The following TTC7A variants were observed in gnomAD, a reference collection of about 807,000 sequenced individuals.
TTC7A encodes tetratricopeptide repeat protein 7A.
Under a neutral mutation model 103.7 loss-of-function variants are expected in TTC7A, and 110 were observed. The ratio of observed to expected loss-of-function variants is 1.06; its 90% CI spans 0.91 to 1.24. The LOEUF (loss-of-function observed/expected upper bound fraction) is 1.24, where lower values mean the gene tolerates loss of function less well. TTC7A is among the 50% of genes most tolerant of loss of function. The probability of loss-of-function intolerance (pLI) is 0.00; values close to 1 mark genes in which losing one functional copy is unlikely to be tolerated. For missense variants in TTC7A, 1,340 were observed against 1,116.3 expected (o/e 1.20, Z -2.86); for synonymous variants, 521 against 467.9 (o/e 1.11, Z -1.47).
chr2:46,961,108 C>G (rs1672330607), intron 3 of TTC7A, among the ~76,000 whole-genome samples: 1 of 152,238 alleles, frequency 6.6e-6, no homozygotes, highest in Non-Finnish European at 1.5e-5. Context: ...CCCTTTGTAA[C>G]TTCCGCCAGC....
intron 2 of TTC7A, among the ~76,000 whole-genome samples, chr2:46,919,496 G>T (rs542389200): frequency 6.6e-6 from 1 of 152,374 alleles, no homozygotes; most frequent in South Asian, 2.1e-4. Flanking sequence ...TCGCACCATT[G>T]CTCTTCAGCC....
chr2:47,010,456 TTACTGTTA>T (rs1218352613), intron 10 of TTC7A, among the ~76,000 whole-genome samples: 1 of 152,224 alleles, frequency 6.6e-6, no homozygotes, highest in East Asian at 1.9e-4. Context: ...GTTCTTCTCA[TTACTGTTA>T]TTGGTAACAT....
chr2:46,955,340 C>G (rs1337617813), intron 2 of TTC7A, among the ~76,000 whole-genome samples: 3 of 152,158 alleles, frequency 2.0e-5, no homozygotes, highest in Non-Finnish European at 4.4e-5. Flanking sequence ...TGGCCCTGGC[C>G]CAGGGAGTGG....
chr2:46,983,589 T>C (rs75312903), intron 5 of TTC7A, among the ~76,000 whole-genome samples: 26,637 of 152,204 alleles, frequency 0.18, 2,491 homozygotes, highest in Admixed American at 0.2. Flanking sequence ...GGTCACCACT[T>C]TAACTCCTCA....
intron 11 of TTC7A, among the ~76,000 whole-genome samples, chr2:47,020,558 C>T (rs528214720): frequency 1.3e-5 from 2 of 152,336 alleles, no homozygotes; most frequent in South Asian, 2.1e-4. Flanking sequence ...ACTGCCCCGG[C>T]TGGCAGCTTG....
At chr2:46,929,294 G>C (rs573718249) in intron 2 of TTC7A, among the ~76,000 whole-genome samples, 6 of 152,252 alleles carry the variant, frequency 3.9e-5, no homozygotes, top group African/African-American at 1.4e-4. Flanking sequence ...AGACCAGCCT[G>C]GTCAACATAG....
intron 2 of TTC7A, among the ~76,000 whole-genome samples, chr2:46,930,433 A>AG (rs1267861893): frequency 6.8e-6 from 1 of 147,474 alleles, no homozygotes; most frequent in East Asian, 1.9e-4. Flanking sequence ...ACGTATTCCT[A>AG]GGAAAAAAAA....
At chr2:46,936,293 G>T (rs768647428), upstream of TTC7A, among the ~76,000 whole-genome samples, 1 of 152,126 alleles carries the variant, frequency 6.6e-6, no homozygotes, top group Non-Finnish European at 1.5e-5. Flanking sequence ...TTGTGCATCT[G>T]TAAGAGGAAA....
intron 19 of TTC7A, chr2:47,071,127 A>C (rs1684654519): frequency 6.6e-6 from 1 of 152,306 alleles, no homozygotes; most frequent in African/African-American, 2.4e-5. Flanking sequence ...CTCAGGGCAG[A>C]GTAGGTGAGA....
upstream of TTC7A, among the ~76,000 whole-genome samples, chr2:46,938,942 C>T (rs939266710): frequency 1.3e-5 from 2 of 149,260 alleles, no homozygotes; most frequent in Admixed American, 6.8e-5. Flanking sequence ...ACCTGGGAGG[C>T]GGAGGTTGTT....
intron 8 of TTC7A, among the ~76,000 whole-genome samples, chr2:47,004,459 C>G (rs1359235029): frequency 6.6e-6 from 1 of 152,180 alleles, no homozygotes; most frequent in Non-Finnish European, 1.5e-5. Flanking sequence ...GTGAGGCCCA[C>G]TTGCTGCATA....
At position 46,993,515 on chromosome 2, in the gene TTC7A, A is replaced by C; in HGVS notation, c.830A>C (p.Gln277Pro). The C allele has an allele frequency of 6.2e-7, 1 of 1,614,176 alleles. No homozygotes were observed. Among genetic ancestry groups the C allele is most frequent in the Non-Finnish European group, 8.5e-7 (1 of 1,180,020 alleles). The change falls in exon 6 of 20, where the codon CAG (glutamine) becomes CCG (proline). Residue 277 changes from glutamine (Q) to proline (P), a missense_variant. Coordinates refer to ENST00000319190, the MANE Select transcript of TTC7A (RefSeq NM_020458.4). Reference protein sequence around the residue: ...VLRTVETKATQNFKVMAAKHL... With the variant: ...VLRTVETKATPNFKVMAAKHL... ...CGGACTGTGGAGACCAAAGCAACTC[A>C]GAACTTCAAAGTGGTAATGTGGGGT...
intron 15 of TTC7A, among the ~76,000 whole-genome samples, chr2:47,039,287 G>A (rs115574260): frequency 1.3e-5 from 2 of 152,224 alleles, no homozygotes; most frequent in Non-Finnish European, 2.9e-5. Flanking sequence ...ACTACAGGGA[G>A]CTGCTTTCAG....
chr2:46,983,593 C>G (rs1210731414), intron 5 of TTC7A, among the ~76,000 whole-genome samples: 1 of 152,246 alleles, frequency 6.6e-6, no homozygotes, highest in Non-Finnish European at 1.5e-5. Flanking sequence ...ACCACTTTAA[C>G]TCCTCAGTGA....
chr2:46,961,721 A>G (rs935300074), intron 3 of TTC7A, among the ~76,000 whole-genome samples: 4 of 152,008 alleles, frequency 2.6e-5, no homozygotes, highest in Non-Finnish European at 5.9e-5. Context: ...CCTGGCCAAC[A>G]TGGTGAAACC....
Position 47,074,465 on chromosome 2 carries a change from C to G in TTC7A, c.*542C>G, listed in dbSNP as rs1215160022. On this transcript the variant is annotated 3_prime_UTR_variant, in exon 20 of 20. Coordinates refer to ENST00000319190, the MANE Select transcript of TTC7A (RefSeq NM_020458.4). The stretch of plus-strand genomic sequence containing the variant: ...CCAGCTGGGCCCCACCTTGCTCTTT[C>G]CCCCTGCTACCAAGTGCCTTTGGGG... The G allele has an allele frequency of 8.6e-6, 1 of 116,512 alleles. No homozygotes were observed. Among genetic ancestry groups the G allele is most frequent in the Non-Finnish European group, 1.7e-5 (1 of 58,136 alleles). The allele number at this position is 116,512 out of a possible 1,614,324, so 7.2% of individuals were successfully genotyped here. A position where few individuals can be genotyped will look rare whatever the true frequency, so the allele number is the denominator to read the frequency against.
chr2:46,960,517 T>TG (rs1672279592), intron 3 of TTC7A, among the ~76,000 whole-genome samples: 1 of 152,198 alleles, frequency 6.6e-6, no homozygotes, highest in African/African-American at 2.4e-5. Flanking sequence ...GATGATCACA[T>TG]GTGCACCACC....
chr2:47,006,803 C>A, intron 10 of TTC7A, 79 bp downstream of exon 10: 1 of 1,179,580 alleles, frequency 8.5e-7, no homozygotes, highest in Non-Finnish European at 1.3e-6. Flanking sequence ...GCTTTTCTGG[C>A]CAGGGGAGTG....
intron 1 of TTC7A, among the ~76,000 whole-genome samples, chr2:46,946,419 AT>A (rs1558495314): frequency 6.6e-6 from 1 of 151,784 alleles, no homozygotes; most frequent in African/African-American, 2.4e-5. Context: ...TTTTTTTTTA[AT>A]TTTTTTAATT....
Sources: allele counts gnomAD v4.1 joint callset (sites outside exome capture counted in the v4.1 genomes callset), GRCh38; gene constraint gnomAD v4.1.1; transcripts MANE v1.5; gene names NCBI Gene and HGNC (gene_info 2026-07-23, HGNC 2026-07-21).